Variants in ARHGAP42 observed in about 807,000 individuals in gnomAD.
The protein encoded by ARHGAP42 is Rho GTPase activating protein 42, also known as rho GTPase-activating protein 42.
ARHGAP42 carries 63 observed loss-of-function variants against 125.0 expected under a neutral mutation model. The observed-to-expected ratio is 0.50, with a 90% CI of 0.41 to 0.62. ARHGAP42 has a LOEUF of 0.62. Among genes scored for constraint, ARHGAP42 ranks in the 20% least tolerant of loss-of-function variants. The pLI is 0.00. For missense variants in ARHGAP42, 766 were observed against 1,024.2 expected, an observed-to-expected ratio of 0.75 and a Z score of 3.44; for synonymous variants, 339 against 351.0, an observed-to-expected ratio of 0.97 and a Z score of 0.38.
At chr11:100,717,318 A>G (rs530056327) in intron 1 of ARHGAP42, among the ~76,000 whole-genome samples, 1 of 152,276 alleles carries the variant, frequency 6.6e-6, no homozygotes, top group South Asian at 2.1e-4. Flanking sequence ...TTGAACTACT[A>G]TTAGAAAAAA....
At chr11:100,983,062 T>G (rs555447342) in intron 22 of ARHGAP42, among the ~76,000 whole-genome samples, 2 of 152,296 alleles carry the variant, frequency 1.3e-5, no homozygotes, top group East Asian at 3.9e-4. Flanking sequence ...ACTGTTAAAA[T>G]TTGGTGCACA....
At position 100,780,097 on chromosome 11, in the gene ARHGAP42, A is replaced by T. The variant is rs1863267953; in HGVS notation, c.250+9659A>T. 5.9e-5 allele frequency among the ~76,000 whole-genome samples: 9 copies of T among 152,098 alleles called. 1 individual carries two copies. The South Asian group carries it at 1.9e-3, about 32-fold the overall frequency. On this transcript the variant is annotated intron_variant, in intron 2 of 23. Transcript: ENST00000298815. ...AAATAAATTTTAAACCAGAGTTAAA[A>T]ATTTATTCTCTTTTTGCATTTATTC...
intron 6 of ARHGAP42, among the ~76,000 whole-genome samples, chr11:100,921,972 C>T (rs1280738500): frequency 2.2e-5 from 3 of 138,396 alleles, no homozygotes; most frequent in Non-Finnish European, 3.2e-5. Flanking sequence ...AAGCTGTTGG[C>T]GGGAGGGGGG....
chr11:100,766,665 G>A (rs1862836778), intron 1 of ARHGAP42, among the ~76,000 whole-genome samples: 2 of 152,134 alleles, frequency 1.3e-5, no homozygotes, highest in African/African-American at 4.8e-5. Flanking sequence ...AAAAGCATGA[G>A]CTGGATTCCT....
chr11:100,847,320 G>C (rs1410853543), intron 3 of ARHGAP42, among the ~76,000 whole-genome samples: 1 of 152,116 alleles, frequency 6.6e-6, no homozygotes, highest in Admixed American at 6.6e-5. Context: ...CTGCCATACA[G>C]GCTCATTCTC....
At chr11:100,881,644 T>C (rs556220282) in intron 4 of ARHGAP42, among the ~76,000 whole-genome samples, 1 of 152,322 alleles carries the variant, frequency 6.6e-6, no homozygotes, top group African/African-American at 2.4e-5. Context: ...GGGAATTGCA[T>C]TGAATTTGTG....
chr11:100,833,222 G>T (rs1271776225), intron 3 of ARHGAP42, among the ~76,000 whole-genome samples: 1 of 152,154 alleles, frequency 6.6e-6, no homozygotes, highest in African/African-American at 2.4e-5. Context: ...GGACCAATTT[G>T]TTGCCTAAAA....
chr11:100,969,911 G>A (rs1227156572), intron 17 of ARHGAP42, among the ~76,000 whole-genome samples: 1 of 152,044 alleles, frequency 6.6e-6, no homozygotes, highest in Non-Finnish European at 1.5e-5. Flanking sequence ...TGGCATTTTA[G>A]CTACTGTTTT....
chr11:100,976,275 G>A lies in ARHGAP42; in HGVS notation c.2074G>A (p.Ala692Thr). Residue 692 changes from alanine (A) to threonine (T), a missense_variant, in exon 20 of 24, where the codon GCA (alanine) becomes ACA (threonine). By Grantham distance (58) the Ala-to-Thr change is moderately conservative (BLOSUM62 0). Transcript: ENST00000298815. ...TCCTGAATCAAGTTCCAGAGAAGAT[G>A]CAACCAAGACAGATGCAGAATCAGA... The part of the protein sequence containing the change: ...TSPESSSRED[A>T]TKTDAESDCQ... 6.4e-7 allele frequency: 1 copy of A among 1,551,714 alleles called. No homozygotes were observed. The highest frequency in any genetic ancestry group is 8.7e-7 in the Non-Finnish European group (1 of 1,146,932).
At chr11:100,848,604 A>G (rs1339984599) in intron 3 of ARHGAP42, among the ~76,000 whole-genome samples, 1 of 151,730 alleles carries the variant, frequency 6.6e-6, no homozygotes, top group Non-Finnish European at 1.5e-5. Flanking sequence ...CCCAGGTTCA[A>G]GTGATTCTCC....
At position 100,780,047 on chromosome 11, in the gene ARHGAP42, G is replaced by T; in HGVS notation, c.250+9609G>T. On this transcript the variant is annotated intron_variant, in intron 2 of 23. Coordinates refer to ENST00000298815, the MANE Select transcript of ARHGAP42 (RefSeq NM_152432.4). ...TCTCAAAAACTAAAAAAAAAAACAA[G>T]TTTTAAAAATATTTATAAATATTAA... 2.6e-5 allele frequency among the ~76,000 whole-genome samples: 4 copies of T among 151,250 alleles called. 1 individual carries two copies. Among genetic ancestry groups the T allele is most frequent in the Admixed American group, 2.6e-4 (4 of 15,172 alleles).
At chr11:100,804,747 C>T (rs1863950809) in intron 3 of ARHGAP42, among the ~76,000 whole-genome samples, 1 of 151,766 alleles carries the variant, frequency 6.6e-6, no homozygotes, top group African/African-American at 2.4e-5. Context: ...CTCCTGACCT[C>T]GTGATCCACC....
chr11:100,884,870 AC>A (rs1347806768), intron 4 of ARHGAP42, among the ~76,000 whole-genome samples: 3 of 152,228 alleles, frequency 2.0e-5, no homozygotes, highest in Admixed American at 2.0e-4. Flanking sequence ...AAAATAGGAA[AC>A]ATTTGAATTG....
intron 4 of ARHGAP42, among the ~76,000 whole-genome samples, chr11:100,881,328 A>AT (rs1332120401): frequency 6.6e-6 from 1 of 152,178 alleles, no homozygotes. Flanking sequence ...CATTTCTTGA[A>AT]TAGGACATCC....
chr11:100,824,358 T>C (rs945973631), intron 3 of ARHGAP42, among the ~76,000 whole-genome samples: 21 of 152,160 alleles, frequency 1.4e-4, no homozygotes, highest in Non-Finnish European at 2.6e-4. Flanking sequence ...TTTTCAGTCA[T>C]AGACTACTAA....
intron 19 of ARHGAP42, among the ~76,000 whole-genome samples, chr11:100,975,399 A>G (rs1441556762): frequency 6.6e-6 from 1 of 152,170 alleles, no homozygotes; most frequent in South Asian, 2.1e-4. Flanking sequence ...ATTTAGATAT[A>G]TGTGAATGCA....
At chr11:100,850,927 G>C (rs989878019) in intron 3 of ARHGAP42, among the ~76,000 whole-genome samples, 1 of 130,634 alleles carries the variant, frequency 7.7e-6, no homozygotes, top group Non-Finnish European at 1.5e-5. Flanking sequence ...TGTCACTCAG[G>C]CTTGAGTGCA....
rs920106012 is a variant in ARHGAP42, at chr11:100,993,774, G to A, written c.*4973G>A. ...TATCATTGAATTTTTTGTTTATTTT[G>A]TAGTGTTCTGTATTTATCTGCACTT... On this transcript the variant is annotated 3_prime_UTR_variant, in exon 24 of 24. Coordinates refer to ENST00000298815, the MANE Select transcript of ARHGAP42 (RefSeq NM_152432.4). The A allele has an allele frequency of 1.8e-5, 3 of 166,864 alleles. No individual in the cohort carries two copies. Among genetic ancestry groups the A allele is most frequent in the Admixed American group, 6.6e-5 (1 of 15,260 alleles). 10.3% of individuals were successfully genotyped at this position (166,864 alleles called of 1,614,324 possible). A position where few individuals can be genotyped will look rare whatever the true frequency, so the allele number is the denominator to read the frequency against.
At chr11:100,892,734 A>G (rs76738388) in intron 4 of ARHGAP42, among the ~76,000 whole-genome samples, 13,785 of 152,222 alleles carry the variant, frequency 0.091, 887 homozygotes, top group Non-Finnish European at 0.13. Context: ...TGCCCTTAAA[A>G]TAAAAGCACA....
Sources: gnomAD v4.1 joint callset for allele counts (sites outside exome capture counted in the v4.1 genomes callset) on GRCh38, gnomAD v4.1.1 for gene constraint, MANE v1.5 for transcripts, NCBI Gene and HGNC (gene_info 2026-07-23, HGNC 2026-07-21) for gene names.